MCTP2: variants seen among roughly 807,000 people sequenced by gnomAD.
The protein encoded by MCTP2 is multiple C2 and transmembrane domain-containing protein 2.
Under a neutral mutation model 111.6 loss-of-function variants are expected in MCTP2, and 132 were observed. That is an observed-to-expected ratio of 1.18 (90% CI 1.03 to 1.37). The LOEUF is 1.37. MCTP2 is among the 40% of genes most tolerant of loss of function. The probability of loss-of-function intolerance (pLI) is 0.00; values close to 1 mark genes in which losing one functional copy is unlikely to be tolerated. For missense variants in MCTP2, 1,183 were observed against 1,067.9 expected (o/e 1.11, Z -1.50); for synonymous variants, 395 against 387.7 (o/e 1.02, Z -0.22).
At chr15:94,393,301 G>A (rs558123169) in intron 14 of MCTP2, among the ~76,000 whole-genome samples, 1 of 152,254 alleles carries the variant, frequency 6.6e-6, no homozygotes, top group Non-Finnish European at 1.5e-5. Flanking sequence ...AGAAATTCTA[G>A]GACTGTACTG....
chr15:94,385,499 G>A lies in MCTP2; in HGVS notation c.1762G>A (p.Gly588Arg). 1 of 1,613,090 alleles carries A rather than the reference G, an allele frequency of 6.2e-7. No homozygotes were observed. The highest frequency in any genetic ancestry group is 8.5e-7 in the Non-Finnish European group (1 of 1,179,398). ...TGGAGATAAACCCCCAGATTTTCTTGGAAAAGTTGCCATTCCCTTGCTGTC... is the reference window on the plus strand; with the variant it reads ...TGGAGATAAACCCCCAGATTTTCTTAGAAAAGTTGCCATTCCCTTGCTGTC... ...EDGDKPPDFL[G>R]KVAIPLLSIR... Residue 588 changes from glycine (G) to arginine (R), a missense_variant, in exon 14 of 23, where the codon GGA becomes AGA. Physicochemically the swap from Gly to Arg is moderately radical, Grantham distance 125. Coordinates refer to ENST00000357742, the MANE Select transcript of MCTP2 (RefSeq NM_001385001.1).
intron 1 of MCTP2, among the ~76,000 whole-genome samples, chr15:94,247,284 T>A (rs1192348791): frequency 6.6e-6 from 1 of 152,098 alleles, no homozygotes. Flanking sequence ...CCTGGGTGCC[T>A]CACCTGCTGC....
chr15:94,302,497 C>T (rs746133074), intron 2 of MCTP2, among the ~76,000 whole-genome samples: 1 of 152,114 alleles, frequency 6.6e-6, no homozygotes, highest in Admixed American at 6.5e-5. Context: ...TTGCAAATGC[C>T]AAATCCAGCT....
intron 17 of MCTP2, among the ~76,000 whole-genome samples, chr15:94,430,370 A>G (rs1332572133): frequency 6.8e-6 from 1 of 147,070 alleles, no homozygotes; most frequent in East Asian, 2.0e-4. Context: ...AAAAAAAAAC[A>G]AACAAAAAAA....
chr15:94,245,273 T>G (rs979972520), intron 1 of MCTP2, among the ~76,000 whole-genome samples: 1 of 137,082 alleles, frequency 7.3e-6, no homozygotes, highest in Non-Finnish European at 1.6e-5. Context: ...TATGTGTATA[T>G]ACGTATATAC....
At chr15:94,454,828 T>TTTA (rs144656316) in intron 19 of MCTP2, among the ~76,000 whole-genome samples, 4 of 152,164 alleles carry the variant, frequency 2.6e-5, no homozygotes, top group Non-Finnish European at 5.9e-5. Flanking sequence ...TTAGGTTATT[T>TTTA]TTATTATTAT....
In MCTP2 at chr15:94,315,251, G is replaced by T. The variant is rs112859524; in HGVS notation, c.529-278G>T. 5.2e-4 allele frequency among the ~76,000 whole-genome samples: 79 copies of T among 152,204 alleles called. 2 individuals are homozygous for T. The South Asian group carries it at 6.8e-3, about 13-fold the overall frequency. On this transcript the variant is annotated intron_variant, in intron 3 of 22. Transcript: ENST00000357742. ...GGGATCCTGCAGTAATTTAATGAGG[G>T]TATTTCAGAGGTTGGTTATCTAATT... is the stretch of plus-strand genomic sequence containing the variant.
At chr15:94,277,880 T>G (rs529210783) in intron 1 of MCTP2, among the ~76,000 whole-genome samples, 1 of 152,166 alleles carries the variant, frequency 6.6e-6, no homozygotes, top group Non-Finnish European at 1.5e-5. Context: ...ATAACAAATG[T>G]ATCACACTAA....
intron 17 of MCTP2, among the ~76,000 whole-genome samples, chr15:94,429,821 C>T (rs1243662033): frequency 6.6e-6 from 1 of 152,158 alleles, no homozygotes; most frequent in Non-Finnish European, 1.5e-5. Flanking sequence ...TGTGTGTCTC[C>T]ACGTGGACAT....
At chr15:94,356,834 G>T (rs992053230) in intron 9 of MCTP2, among the ~76,000 whole-genome samples, 1 of 152,116 alleles carries the variant, frequency 6.6e-6, no homozygotes, top group Non-Finnish European at 1.5e-5. Context: ...CATTTTAACT[G>T]TCTTTGAAAA....
chr15:94,307,843 T>G (rs1286475762), intron 2 of MCTP2, among the ~76,000 whole-genome samples: 1 of 152,152 alleles, frequency 6.6e-6, no homozygotes, highest in African/African-American at 2.4e-5. Flanking sequence ...CTGGTCACTT[T>G]CGGTGGGGAA....
chr15:94,444,341 G>A (rs1178054007), intron 19 of MCTP2, among the ~76,000 whole-genome samples: 1 of 152,212 alleles, frequency 6.6e-6, no homozygotes, highest in African/African-American at 2.4e-5. Flanking sequence ...CGGTATTTTT[G>A]TTTCTATGAA....
intron 17 of MCTP2, among the ~76,000 whole-genome samples, chr15:94,421,901 G>A (rs575107472): frequency 1.9e-4 from 29 of 152,272 alleles, no homozygotes; most frequent in Admixed American, 1.5e-3. Context: ...CAATGAGGTC[G>A]TGCATTCCTG....
chr15:94,338,119 T>C (rs1164875156), intron 4 of MCTP2, among the ~76,000 whole-genome samples: 2 of 152,232 alleles, frequency 1.3e-5, no homozygotes, highest in Admixed American at 1.3e-4. Context: ...AGTCCTAGAC[T>C]ATATTGGCTT....
At chr15:94,351,276 G>A (rs187477735) in intron 8 of MCTP2, among the ~76,000 whole-genome samples, 232 of 152,296 alleles carry the variant, frequency 1.5e-3, no homozygotes, top group Non-Finnish European at 2.6e-3. Flanking sequence ...GAGAGGAGCT[G>A]CAGAGAAGAA....
intron 2 of MCTP2, among the ~76,000 whole-genome samples, chr15:94,303,603 A>G (rs2075747188): frequency 6.6e-6 from 1 of 152,218 alleles, no homozygotes; most frequent in Non-Finnish European, 1.5e-5. Flanking sequence ...CATGAGACCC[A>G]TTCACTGTCA....
chr15:94,440,392 C>T (rs576145895), intron 18 of MCTP2, 94 bp downstream of exon 18: 50 of 1,529,476 alleles, frequency 3.3e-5, no homozygotes, highest in Middle Eastern at 3.5e-4. Context: ...AAGTCCATTT[C>T]GTTTGAGGTG....
At chr15:94,384,856 A>T (rs2080365217) in intron 13 of MCTP2, among the ~76,000 whole-genome samples, 1 of 152,192 alleles carries the variant, frequency 6.6e-6, no homozygotes, top group African/African-American at 2.4e-5. Context: ...GGCCAGATAT[A>T]AGAGTCTCTT....
intron 7 of MCTP2, among the ~76,000 whole-genome samples, chr15:94,344,909 A>G (rs370138520): frequency 6.6e-6 from 1 of 152,178 alleles, no homozygotes; most frequent in Non-Finnish European, 1.5e-5. Flanking sequence ...CATACTGAAT[A>G]CTTAGAGAAA....
Sources: allele counts gnomAD v4.1 joint callset (sites outside exome capture counted in the v4.1 genomes callset), GRCh38; gene constraint gnomAD v4.1.1; transcripts MANE v1.5; gene names NCBI Gene and HGNC (gene_info 2026-07-23, HGNC 2026-07-21).